SGCD: variants seen among roughly 807,000 people sequenced by gnomAD.
The protein encoded by SGCD is sarcoglycan delta.
A neutral mutation model predicts 36.6 loss-of-function variants in SGCD; 18 were observed. That is an observed-to-expected ratio of 0.49 (90% CI 0.34 to 0.73). The LOEUF is 0.73. Among genes scored for constraint, SGCD ranks in the 30% least tolerant of loss-of-function variants. The pLI, the probability that SGCD is intolerant of heterozygous loss-of-function variation, is 0.01. For missense variants in SGCD, 387 were observed against 346.7 expected, an observed-to-expected ratio of 1.12 and a Z score of -0.92; for synonymous variants, 133 against 130.6, an observed-to-expected ratio of 1.02 and a Z score of -0.12.
chr5:156,718,745 G>A lies in SGCD; in HGVS notation c.576-38836G>A, dbSNP rs1755339264. ...GCACTTTGGGAGGTTGAGGCAGGAG[G>A]ATCGCTTGAAGCCATGAGTTCAAGA... is the stretch of plus-strand genomic sequence containing the variant. On this transcript the variant is annotated intron_variant, in intron 7 of 8. Transcript: ENST00000337851. 2.7e-5 allele frequency among the ~76,000 whole-genome samples: 4 copies of A among 150,770 alleles called. No individual in the cohort carries two copies. In the South Asian group the frequency reaches 8.4e-4, roughly 32 times the overall value.
chr5:156,585,692 T>C (rs1760463439), intron 4 of SGCD, among the ~76,000 whole-genome samples: 1 of 152,080 alleles, frequency 6.6e-6, no homozygotes, highest in African/African-American at 2.4e-5. Flanking sequence ...CTCATGGAAA[T>C]ATATTTTGTC....
At chr5:156,520,287 T>A (rs974125190) in intron 4 of SGCD, among the ~76,000 whole-genome samples, 1 of 152,014 alleles carries the variant, frequency 6.6e-6, no homozygotes, top group Non-Finnish European at 1.5e-5. Context: ...GAGAATAAAA[T>A]ACCTAGGAAT....
At chr5:156,218,616 A>G (rs1459531217) in intron 3 of SGCD, among the ~76,000 whole-genome samples, 1 of 152,090 alleles carries the variant, frequency 6.6e-6, no homozygotes, top group Non-Finnish European at 1.5e-5. Context: ...GCTGGCCTGA[A>G]TTTTGTGTGA....
intron 3 of SGCD, among the ~76,000 whole-genome samples, chr5:156,363,764 T>A (rs1016019566): frequency 2.6e-5 from 4 of 152,216 alleles, no homozygotes; most frequent in African/African-American, 9.7e-5. Context: ...GTTCCCTTAT[T>A]TCCCTAATAA....
At chr5:156,023,955 C>T (rs988207498) in intron 1 of SGCD, among the ~76,000 whole-genome samples, 3 of 152,156 alleles carry the variant, frequency 2.0e-5, no homozygotes, top group Non-Finnish European at 2.9e-5. Flanking sequence ...AATCCAGTGT[C>T]GAGCATCCCT....
chr5:155,769,952 T>A, the SGCD span, among the ~76,000 whole-genome samples: 1 of 152,154 alleles, frequency 6.6e-6, no homozygotes, highest in Non-Finnish European at 1.5e-5. Flanking sequence ...TTGTACCTTT[T>A]CTCTTTCATT....
chr5:155,831,946 A>T, the SGCD span, among the ~76,000 whole-genome samples: 1 of 152,162 alleles, frequency 6.6e-6, no homozygotes, highest in East Asian at 1.9e-4. Context: ...AAGGGCCCTG[A>T]TGTTGGAAGT....
intron 1 of SGCD, among the ~76,000 whole-genome samples, chr5:155,924,925 C>T (rs1397734852): frequency 1.3e-5 from 2 of 152,124 alleles, no homozygotes; most frequent in Non-Finnish European, 2.9e-5. Context: ...ATTTGAGGAC[C>T]ATTATCCTTG....
the SGCD span, among the ~76,000 whole-genome samples, chr5:155,746,118 TAG>T: frequency 6.6e-6 from 1 of 152,140 alleles, no homozygotes; most frequent in Non-Finnish European, 1.5e-5. Flanking sequence ...CAGCAAGTTG[TAG>T]AATATTCAAT....
chr5:156,756,668 A>G (rs933872877), intron 7 of SGCD, among the ~76,000 whole-genome samples: 3 of 152,256 alleles, frequency 2.0e-5, no homozygotes, highest in Non-Finnish European at 4.4e-5. Context: ...CATCATAATT[A>G]GCATAGAATG....
chr5:156,397,734 C>A (rs1360780555), intron 3 of SGCD, among the ~76,000 whole-genome samples: 4 of 152,178 alleles, frequency 2.6e-5, no homozygotes, highest in Non-Finnish European at 5.9e-5. Context: ...CCACGCGGAG[C>A]CCTCCTCAAA....
At chr5:156,529,300 C>T (rs1024094267) in intron 4 of SGCD, among the ~76,000 whole-genome samples, 4 of 151,552 alleles carry the variant, frequency 2.6e-5, no homozygotes, top group Admixed American at 6.6e-5. Context: ...TGGTGTGTGC[C>T]GGTAGTCCCA....
At chr5:156,568,338 G>A (rs749342268) in intron 4 of SGCD, among the ~76,000 whole-genome samples, 2 of 152,144 alleles carry the variant, frequency 1.3e-5, no homozygotes, top group Non-Finnish European at 2.9e-5. Context: ...CCAATATCGT[G>A]CCACTGCACT....
intron 4 of SGCD, among the ~76,000 whole-genome samples, chr5:156,564,557 A>G (rs551676195): frequency 1.3e-5 from 2 of 152,326 alleles, no homozygotes; most frequent in African/African-American, 4.8e-5. Flanking sequence ...GGCATTAAGT[A>G]CGCTCAGTGT....
At chr5:156,554,664 T>C (rs1472230197) in intron 4 of SGCD, among the ~76,000 whole-genome samples, 7 of 149,134 alleles carry the variant, frequency 4.7e-5, no homozygotes, top group Non-Finnish European at 1.0e-4. Context: ...ATATTATATA[T>C]CTAAATGATT....
intron 3 of SGCD, among the ~76,000 whole-genome samples, chr5:156,452,943 T>G (rs1473404512): frequency 6.6e-6 from 1 of 152,166 alleles, no homozygotes; most frequent in Non-Finnish European, 1.5e-5. Context: ...GAGCATAAAT[T>G]TACTATGACC....
At chr5:156,499,291 C>T (rs1305984690) in intron 3 of SGCD, among the ~76,000 whole-genome samples, 2 of 152,112 alleles carry the variant, frequency 1.3e-5, no homozygotes, top group Non-Finnish European at 2.9e-5. Context: ...TTAAAATTCA[C>T]ATGGATGAGC....
chr5:156,245,824 A>G (rs187912441), intron 3 of SGCD, among the ~76,000 whole-genome samples: 20 of 152,280 alleles, frequency 1.3e-4, no homozygotes, highest in Admixed American at 7.2e-4. Context: ...TCAGCAATAT[A>G]TTAGTGTAAT....
At chr5:156,538,115 A>AT (rs1758197281) in intron 4 of SGCD, among the ~76,000 whole-genome samples, 1 of 151,680 alleles carries the variant, frequency 6.6e-6, no homozygotes, top group South Asian at 2.1e-4. Flanking sequence ...GAAAAAAAAA[A>AT]ATACCATTGA....
Sources: gnomAD v4.1 joint callset for allele counts (sites outside exome capture counted in the v4.1 genomes callset) on GRCh38, gnomAD v4.1.1 for gene constraint, MANE v1.5 for transcripts, NCBI Gene and HGNC (gene_info 2026-07-23, HGNC 2026-07-21) for gene names.